Variants in TTN observed in about 807,000 individuals in gnomAD.
TTN encodes the protein connectin.
In TTN, 1,525 loss-of-function variants were observed where a neutral mutation model predicts 3,223.0. The observed-to-expected ratio is 0.47, with a 90% CI of 0.45 to 0.49. The LOEUF (loss-of-function observed/expected upper bound fraction) is 0.49, where lower values mean the gene tolerates loss of function less well. Ranked by LOEUF, TTN falls within the 20% of genes least tolerant of loss-of-function variation. The probability of loss-of-function intolerance (pLI) is 0.00; values close to 1 mark genes in which losing one functional copy is unlikely to be tolerated. For missense variants in TTN, 40,786 were observed against 43,424.0 expected, an observed-to-expected ratio of 0.94 and a Z score of 5.40; for synonymous variants, 14,094 against 15,161.0, an observed-to-expected ratio of 0.93 and a Z score of 5.17.
chr2:178,566,558 T>C lies in TTN; in HGVS notation c.79574A>G (p.Glu26525Gly), dbSNP rs760756282. The C allele has an allele frequency of 2.5e-6, 4 of 1,613,260 alleles. No individual in the cohort carries two copies. The highest frequency in any genetic ancestry group is 1.7e-5 in the Admixed American group (1 of 59,982). ...TTCTTCTTCATCTGCTTTACAGATT[T>C]CTACTACATATCCCAAGATCTCACT... ...GGSEILGYVV[E>G]ICKADEEEWQ... Residue 26525 changes from glutamate to glycine, a missense_variant, in exon 326 of 363, where the codon GAA becomes GGA. Transcript: ENST00000589042.
intron 47 of TTN, chr2:178,744,353 T>C (rs911861590): frequency 1.4e-5 from 14 of 982,182 alleles, no homozygotes; most frequent in Admixed American, 1.2e-4. Context: ...CAGAATTGTA[T>C]TGTTGAATGA....
At chr2:178,730,833 T>C in intron 60 of TTN, 41 bp from the exon 61 acceptor site, 1 of 1,536,892 alleles carries the variant, frequency 6.5e-7, no homozygotes, top group Non-Finnish European at 8.7e-7. Flanking sequence ...AAAAGGTCAA[T>C]CTACTAATTT....
chr2:178,696,619 T>G (rs16866439), intron 113 of TTN, among the ~76,000 whole-genome samples: 6,953 of 152,146 alleles, frequency 0.046, 396 homozygotes, highest in African/African-American at 0.13. Context: ...GAATTTATAT[T>G]TCATATTTAT....
At chr2:178,738,716 G>A (rs541216284) in intron 48 of TTN, among the ~76,000 whole-genome samples, 1 of 151,994 alleles carries the variant, frequency 6.6e-6, no homozygotes, top group African/African-American at 2.4e-5. Flanking sequence ...AAGTGATGAA[G>A]TGAAACAACA....
chr2:178,574,980 C>G lies in TTN; in HGVS notation c.71152G>C (p.Val23718Leu). 1 of 1,613,268 alleles carries G rather than the reference C, an allele frequency of 6.2e-7. No individual in the cohort carries two copies. Among genetic ancestry groups the G allele is most frequent in the Non-Finnish European group, 8.5e-7 (1 of 1,179,568 alleles). ...ARNIVGEVGD[V>L]ITIQVHDIPG... ...ATATCATGGACTTGAATGGTGATGA[C>G]ATCACCAACCTCTCCTACAATGTTC... Residue 23718 changes from valine to leucine, a missense_variant, in exon 326 of 363, where the codon GTC becomes CTC. Coordinates refer to ENST00000589042, the MANE Select transcript of TTN (RefSeq NM_001267550.2).
rs2291307 is a variant in TTN at position 178,773,532 on chromosome 2, A to G, written c.7524T>C (p.His2508=). The change falls in exon 32 of 363, where the codon CAT becomes CAC. Residue 2508 remains histidine (H), a synonymous_variant. Transcript: ENST00000589042. ...GCTTGTAAGGTCCTTCGTCTGAAGC[A>G]TGAGTTCGGTTAATGACTAGTCGCT... ...TKQRLVINRT[H]ASDEGPYKLI... The G allele has an allele frequency of 9.7e-5, 157 of 1,614,084 alleles. No homozygotes were observed. In the East Asian group the frequency reaches 3.5e-3, roughly 36 times the overall value.
intron 47 of TTN, chr2:178,750,443 C>A (rs375445418): frequency 6.2e-7 from 1 of 1,612,452 alleles, no homozygotes; most frequent in East Asian, 2.2e-5. Flanking sequence ...GTTTTGATTA[C>A]GTGGGATTGG....
intron 71 of TTN, 157 bp downstream of exon 71, chr2:178,725,211 G>T (rs1267531949): frequency 2.6e-6 from 2 of 770,180 alleles, no homozygotes; most frequent in African/African-American, 3.6e-5. Context: ...ACAGAAAAGA[G>T]TGTTTGAAAG....
rs1226155394 is a variant in TTN at position 178,613,871 on chromosome 2, C to T, written c.49412G>A (p.Trp16471Ter). 6.2e-7 allele frequency: 1 copy of T among 1,611,328 alleles called. No individual in the cohort carries two copies. The highest frequency in any genetic ancestry group is 8.5e-7 in the Non-Finnish European group (1 of 1,178,706). ...GCCACCATCATCATCTGGCTCACAC[C>T]ATGTGAGAGTCACTGCGTCTTTAGT... ...DITKDAVTLT[W>*]CEPDDDGGSP... Residue 16471 changes from tryptophan (W) to a stop codon, truncating the protein, a stop_gained, in exon 263 of 363, where the codon TGG becomes TAG. Coordinates refer to ENST00000589042, the MANE Select transcript of TTN (RefSeq NM_001267550.2). LOFTEE classifies it high-confidence loss of function.
chr2:178,673,376 G>A (rs1325357414), intron 152 of TTN, among the ~76,000 whole-genome samples: 1 of 151,698 alleles, frequency 6.6e-6, no homozygotes, highest in Admixed American at 6.6e-5. Context: ...ATGTGTATAA[G>A]TATATAGAGA....
At position 178,576,621 on chromosome 2, in the gene TTN, C is replaced by T; in HGVS notation, c.69623G>A (p.Ser23208Asn). The T allele has an allele frequency of 6.2e-7, 1 of 1,613,564 alleles. No homozygotes were observed. Among genetic ancestry groups the T allele is most frequent in the Non-Finnish European group, 8.5e-7 (1 of 1,179,626 alleles). Residue 23208 changes from serine to asparagine, a missense_variant, in exon 325 of 363, where the codon AGC (serine) becomes AAC (asparagine). Transcript: ENST00000589042. The surrounding 1 kb of genome is among the most constrained non-coding windows in gnomAD (Gnocchi z 4.3). ...TGCACTGACACGGAATTCGTAGGTG[C>T]TTCCTTCTTGCAGTCCTGTTACTTT... ...RCKVTGLQEGSTYEFRVSAEN... is the reference protein window; with the variant it reads ...RCKVTGLQEGNTYEFRVSAEN...
chr2:178,594,748 T>TAA (rs1355575649), intron 295 of TTN, 102 bp from the exon 296 acceptor site: 3 of 955,590 alleles, frequency 3.1e-6, no homozygotes, highest in African/African-American at 1.6e-5. Context: ...ATTTAAACAT[T>TAA]AAACTCTCTG....
Position 178,573,898 on chromosome 2 carries a change from T to C in TTN, c.72234A>G (p.Ile24078Met). Residue 24078 changes from isoleucine to methionine, a missense_variant, in exon 326 of 363, where the codon ATA becomes ATG. Ile to Met is a conservative substitution (Grantham distance 10). Transcript: ENST00000589042. ...KELEGTAKLE[I>M]KIADFSTNLV... ...GATTAGTAGAGAAATCTGCAATTTT[T>C]ATTTCTAACTTTGCTGTGCCTTCCA... is the stretch of plus-strand genomic sequence containing the variant. 6.2e-7 allele frequency: 1 copy of C among 1,611,430 alleles called. No individual in the cohort carries two copies. Among genetic ancestry groups the C allele is most frequent in the Non-Finnish European group, 8.5e-7 (1 of 1,178,108 alleles).
rs1576116840 is a variant in TTN, at chr2:178,592,053, C to T, written c.59851G>A (p.Val19951Ile). ...LNEGNQYLFR[V>I]AAENQYGRGP... Reference sequence around the variant, plus strand: ...CGTCCATACTGGTTCTCCGCAGCTACTCGGAAGAGGTACTGGTTGCCTTCA... The same window carrying T: ...CGTCCATACTGGTTCTCCGCAGCTATTCGGAAGAGGTACTGGTTGCCTTCA... The change falls in exon 302 of 363, where the codon GTA (valine) becomes ATA (isoleucine). Residue 19951 changes from valine (V) to isoleucine (I), a missense_variant. Transcript: ENST00000589042. The T allele has an allele frequency of 1.2e-6, 2 of 1,613,116 alleles. No individual in the cohort carries two copies. Among genetic ancestry groups the T allele is most frequent in the Non-Finnish European group, 1.7e-6 (2 of 1,179,530 alleles).
Position 178,679,975 on chromosome 2 carries a change from C to T in TTN, c.33499G>A (p.Val11167Ile), listed in dbSNP as rs1244255411. The change falls in exon 140 of 363, where the codon GTA (valine) becomes ATA (isoleucine). Residue 11167 changes from valine (V) to isoleucine (I), a missense_variant. Coordinates refer to ENST00000589042, the MANE Select transcript of TTN (RefSeq NM_001267550.2). ...EVVTHVEEYL[V>I]EEEEEYIHEE... ...TGAATGTACTCTTCTTCTTCTTCTA[C>T]AAGATATTCTTCTACATGGGTTACA... 4 of 1,613,168 alleles carry T rather than the reference C, an allele frequency of 2.5e-6. No individual in the cohort carries two copies. Among genetic ancestry groups the T allele is most frequent in the Non-Finnish European group, 3.4e-6 (4 of 1,179,420 alleles).
intron 17 of TTN, among the ~76,000 whole-genome samples, 200 bp from the exon 18 acceptor site, chr2:178,783,264 T>C (rs1250581935): frequency 6.6e-6 from 1 of 152,198 alleles, no homozygotes; most frequent in Non-Finnish European, 1.5e-5. Flanking sequence ...TAAGGCTCAA[T>C]AGCAAATGCT....
chr2:178,549,751 A>C lies in TTN; in HGVS notation c.91971T>G (p.Ile30657Met), dbSNP rs888042945. 4 of 1,613,710 alleles carry C rather than the reference A, an allele frequency of 2.5e-6. No individual in the cohort carries two copies. In the Admixed American group the frequency reaches 6.7e-5, roughly 27 times the overall value. The change falls in exon 338 of 363, where the codon ATT (isoleucine) becomes ATG (methionine). Residue 30657 changes from isoleucine (I) to methionine (M), a missense_variant. Coordinates refer to ENST00000589042, the MANE Select transcript of TTN (RefSeq NM_001267550.2). The part of the protein sequence containing the change: ...DGCAPITHYI[I>M]EKRETSRLAW... ...CAAGTCTGCTGGTTTCCCGTTTTTC[A>C]ATGATGTAGTGGGTTATGGGAGCAC...
intron 141 of TTN, 82 bp downstream of exon 141, chr2:178,679,517 C>G (rs947988820): frequency 6.3e-7 from 1 of 1,584,960 alleles, no homozygotes; most frequent in Non-Finnish European, 8.6e-7. Context: ...GACACACACA[C>G]AAGGTTTTGA....
At position 178,581,759 on chromosome 2, in the gene TTN, C is replaced by A. The variant is rs190711640; in HGVS notation, c.66509G>T (p.Arg22170Leu). 6.9e-6 allele frequency: 11 copies of A among 1,605,258 alleles called. No individual in the cohort carries two copies. Among genetic ancestry groups the A allele is most frequent in the Non-Finnish European group, 8.5e-6 (10 of 1,175,390 alleles). ...PAFPKVYDTT[R>L]SSVSLSWGKP... is the part of the protein sequence containing the mutation. ...GCCCCAAGATAGACTCACAGAGCTG[C>A]GAGTTGTATCATATACTTTAGGGAA... is the stretch of plus-strand genomic sequence containing the variant. Residue 22170 changes from arginine (R) to leucine (L), a missense_variant, in exon 316 of 363, where the codon CGC becomes CTC. Coordinates refer to ENST00000589042, the MANE Select transcript of TTN (RefSeq NM_001267550.2).
Sources: allele counts gnomAD v4.1 joint callset (sites outside exome capture counted in the v4.1 genomes callset), GRCh38; gene constraint gnomAD v4.1.1; non-coding constraint Gnocchi (gnomAD v3.1); transcripts MANE v1.5; gene names NCBI Gene and HGNC (gene_info 2026-07-23, HGNC 2026-07-21).